GRM8: variants seen among roughly 807,000 people sequenced by gnomAD.
GRM8 encodes the protein metabotropic glutamate receptor 8.
GRM8 carries 47 observed loss-of-function variants against 87.2 expected under a neutral mutation model. The ratio of observed to expected loss-of-function variants is 0.54; its 90% CI spans 0.43 to 0.69. The LOEUF is 0.69. Ranked by LOEUF, GRM8 falls within the 30% of genes least tolerant of loss-of-function variation. The probability of loss-of-function intolerance (pLI) is 0.00; values close to 1 mark genes in which losing one functional copy is unlikely to be tolerated. For synonymous variants in GRM8, 396 were observed against 404.5 expected, an observed-to-expected ratio of 0.98 and a Z score of 0.25; for missense variants, 1,019 against 1,139.2, an observed-to-expected ratio of 0.89 and a Z score of 1.52.
chr7:126,903,234 C>T (rs1242717482), intron 5 of GRM8, among the ~76,000 whole-genome samples: 1 of 151,988 alleles, frequency 6.6e-6, no homozygotes, highest in East Asian at 1.9e-4. Context: ...AGGGAGACCC[C>T]CTGGAAATAA....
chr7:127,075,797 C>G (rs1253194070), intron 3 of GRM8, among the ~76,000 whole-genome samples: 2 of 152,134 alleles, frequency 1.3e-5, no homozygotes, highest in Non-Finnish European at 2.9e-5. Flanking sequence ...GGCTAATGTT[C>G]ACTGGGATCC....
At chr7:126,915,502 C>A (rs1172445652) in intron 3 of GRM8, among the ~76,000 whole-genome samples, 2 of 152,182 alleles carry the variant, frequency 1.3e-5, no homozygotes, top group African/African-American at 4.8e-5. Flanking sequence ...ACTAGAGATT[C>A]CTCAAGGGGG....
intron 9 of GRM8, among the ~76,000 whole-genome samples, 168 bp downstream of exon 9, chr7:126,532,764 GATATATATATATATATATAT>G (rs521): frequency 0.024 from 2,634 of 110,978 alleles, 117 homozygotes; most frequent in African/African-American, 0.054. Context: ...GACGGATGGA[GATATATATATATATATATAT>G]ATATATATAT....
chr7:126,496,494 G>A (rs117970188), intron 9 of GRM8, among the ~76,000 whole-genome samples: 5 of 152,060 alleles, frequency 3.3e-5, no homozygotes, highest in Non-Finnish European at 5.9e-5. Flanking sequence ...TGAGCCAAAG[G>A]TTTCAATAGT....
intron 7 of GRM8, among the ~76,000 whole-genome samples, chr7:126,743,158 T>C (rs1046044747): frequency 5.9e-5 from 9 of 152,146 alleles, no homozygotes; most frequent in Non-Finnish European, 1.0e-4. Flanking sequence ...CATAAAGCCA[T>C]TCATATCTGA....
intron 2 of GRM8, among the ~76,000 whole-genome samples, chr7:127,235,397 C>T (rs994660006): frequency 6.6e-6 from 1 of 152,142 alleles, no homozygotes; most frequent in Non-Finnish European, 1.5e-5. Flanking sequence ...GTCCTGTGAC[C>T]CTGTCTTACA....
Position 127,113,666 on chromosome 7 carries a change from ACTTTT to A in GRM8, c.511-6959_511-6955del, listed in dbSNP as rs572931291. Among the ~76,000 whole-genome samples, 389 of 152,258 alleles carry A rather than the reference ACTTTT, an allele frequency of 2.6e-3. 9 individuals carry two copies. Among genetic ancestry groups the A allele is most frequent in the Admixed American group, 0.025 (378 of 15,292 alleles). The stretch of plus-strand genomic sequence containing the variant: ...CTTAGGGGGTAGTGCTTGACCAAGC[ACTTTT>A]CCAGTGATGGTGGTTAGCAACAGCG... On this transcript the variant is annotated intron_variant, in intron 2 of 10. Transcript: ENST00000339582.
At chr7:126,749,719 C>T (rs1383815342) in intron 7 of GRM8, among the ~76,000 whole-genome samples, 1 of 151,910 alleles carries the variant, frequency 6.6e-6, no homozygotes, top group Non-Finnish European at 1.5e-5. Flanking sequence ...GGCTAATAAG[C>T]TTATAGAAAG....
chr7:126,936,988 A>ATCTGAGACC (rs1806404322), intron 3 of GRM8, among the ~76,000 whole-genome samples: 2 of 152,224 alleles, frequency 1.3e-5, no homozygotes, highest in South Asian at 4.1e-4. Context: ...CCATAACAAT[A>ATCTGAGACC]TCTGAGACCA....
intron 10 of GRM8, among the ~76,000 whole-genome samples, chr7:126,444,841 A>G (rs1329960349): frequency 2.0e-5 from 3 of 151,982 alleles, no homozygotes; most frequent in Non-Finnish European, 4.4e-5. Flanking sequence ...ATATTTTTGC[A>G]TAGGATTTTG....
intron 7 of GRM8, among the ~76,000 whole-genome samples, chr7:126,678,936 AATC>A (rs1807267044): frequency 6.6e-6 from 1 of 152,230 alleles, no homozygotes; most frequent in Non-Finnish European, 1.5e-5. Flanking sequence ...AACTCTTGTA[AATC>A]ATTAATAAGA....
At chr7:126,797,727 T>A (rs1487424750) in intron 6 of GRM8, among the ~76,000 whole-genome samples, 1 of 152,104 alleles carries the variant, frequency 6.6e-6, no homozygotes, top group Non-Finnish European at 1.5e-5. Flanking sequence ...GTCTAATCAT[T>A]GTATAAAAAC....
chr7:126,662,820 A>C (rs1585420852), intron 7 of GRM8, among the ~76,000 whole-genome samples: 1 of 152,186 alleles, frequency 6.6e-6, no homozygotes, highest in East Asian at 1.9e-4. Flanking sequence ...TGGATTATGA[A>C]ATGTTTAGTG....
At chr7:126,699,224 C>T (rs1037661913) in intron 7 of GRM8, among the ~76,000 whole-genome samples, 11 of 152,220 alleles carry the variant, frequency 7.2e-5, no homozygotes, top group East Asian at 5.8e-4. Flanking sequence ...TAATGATAGA[C>T]GGAATGAGGT....
At chr7:127,071,227 AG>A (rs1821652716) in intron 3 of GRM8, among the ~76,000 whole-genome samples, 1 of 152,196 alleles carries the variant, frequency 6.6e-6, no homozygotes. Context: ...ATACCTAAAA[AG>A]CTCTGAGTTT....
chr7:126,857,295 G>C (rs1797774568), intron 6 of GRM8, among the ~76,000 whole-genome samples: 1 of 152,148 alleles, frequency 6.6e-6, no homozygotes, highest in Non-Finnish European at 1.5e-5. Flanking sequence ...TGATTCTGCA[G>C]GCAGGGGTGG....
At chr7:126,833,792 G>T (rs1426114292) in intron 6 of GRM8, among the ~76,000 whole-genome samples, 1 of 152,120 alleles carries the variant, frequency 6.6e-6, no homozygotes. Context: ...CATAACAATG[G>T]TCATCAACCT....
intron 7 of GRM8, among the ~76,000 whole-genome samples, chr7:126,766,985 T>C (rs1818266724): frequency 6.6e-6 from 1 of 152,190 alleles, no homozygotes; most frequent in South Asian, 2.1e-4. Flanking sequence ...GCAGATTGTA[T>C]GTGTGCTTCA....
intron 6 of GRM8, among the ~76,000 whole-genome samples, chr7:126,806,451 A>C (rs887064442): frequency 6.6e-6 from 1 of 152,222 alleles, no homozygotes; most frequent in African/African-American, 2.4e-5. Context: ...ACCCGAGTGC[A>C]TTGTGGCTGC....
Sources: allele counts gnomAD v4.1 joint callset (sites outside exome capture counted in the v4.1 genomes callset), GRCh38; gene constraint gnomAD v4.1.1; transcripts MANE v1.5; gene names NCBI Gene and HGNC (gene_info 2026-07-23, HGNC 2026-07-21).